STPG4: variants seen among roughly 807,000 people sequenced by gnomAD.
The protein encoded by STPG4 is sperm-tail PG-rich repeat containing 4.
Under a neutral mutation model 31.5 loss-of-function variants are expected in STPG4, and 41 were observed. The ratio of observed to expected loss-of-function variants is 1.30; its 90% confidence interval spans 1.01 to 1.69. The LOEUF (loss-of-function observed/expected upper bound fraction) is 1.69, where lower values mean the gene tolerates loss of function less well. STPG4 is among the 40% of genes most tolerant of loss of function. The pLI, the probability that STPG4 is intolerant of heterozygous loss-of-function variation, is 0.00. For synonymous variants in STPG4, 141 were observed against 103.0 expected (o/e 1.37, Z -2.24); for missense variants, 375 against 293.4 (o/e 1.28, Z -2.03).
At chr2:47,091,585 T>C (rs1168278865) in intron 5 of STPG4, among the ~76,000 whole-genome samples, 2 of 152,328 alleles carry the variant, frequency 1.3e-5, no homozygotes, top group African/African-American at 2.4e-5. Flanking sequence ...TCTAGCATGA[T>C]GTCTTAGATC....
At chr2:47,094,433 ATCATTC>A (rs1166459538) in intron 5 of STPG4, among the ~76,000 whole-genome samples, 7 of 152,214 alleles carry the variant, frequency 4.6e-5, no homozygotes, top group Non-Finnish European at 8.8e-5. Context: ...TGATGAGAAT[ATCATTC>A]TCTTCCCTTT....
intron 5 of STPG4, among the ~76,000 whole-genome samples, chr2:47,125,728 T>TC (rs1356093534): frequency 6.6e-6 from 1 of 151,700 alleles, no homozygotes; most frequent in Non-Finnish European, 1.5e-5. Context: ...GATTTAATTT[T>TC]TTTTTTTTTA....
At chr2:47,138,838 G>GCACCTGGC (rs1305048349) in intron 3 of STPG4, among the ~76,000 whole-genome samples, 2 of 151,998 alleles carry the variant, frequency 1.3e-5, no homozygotes, top group Non-Finnish European at 2.9e-5. Context: ...ATGAGCCACT[G>GCACCTGGC]CACCTGGCCA....
intron 5 of STPG4, among the ~76,000 whole-genome samples, chr2:47,100,268 A>G (rs940794276): frequency 3.3e-5 from 5 of 151,188 alleles, no homozygotes; most frequent in Non-Finnish European, 7.4e-5. Flanking sequence ...AGCACTCTGT[A>G]TCTAGCTCAA....
intron 3 of STPG4, among the ~76,000 whole-genome samples, chr2:47,150,216 C>T (rs1686907992): frequency 6.6e-6 from 1 of 152,192 alleles, no homozygotes; most frequent in Non-Finnish European, 1.5e-5. Flanking sequence ...AGTGAAGGTC[C>T]AGTTAAGTTC....
Position 47,146,244 on chromosome 2 carries a change from G to A in STPG4, c.399+5014C>T, listed in dbSNP as rs191260188. 9.3e-4 allele frequency among the ~76,000 whole-genome samples: 142 copies of A among 152,238 alleles called. 2 individuals carry two copies. In the South Asian group the frequency reaches 0.02, roughly 21 times the overall value. On this transcript the variant is annotated intron_variant, in intron 3 of 6. Coordinates refer to ENST00000445927, the MANE Select transcript of STPG4 (RefSeq NM_001163561.2). ...GGTTCTGAACCAGGAGCACGGCAAC[G>A]TCTGGAGACATTTTTGGTTGTTACA... is the stretch of plus-strand genomic sequence containing the variant.
intron 5 of STPG4, among the ~76,000 whole-genome samples, chr2:47,127,159 G>A (rs1249658494): frequency 2.7e-5 from 4 of 148,018 alleles, no homozygotes; most frequent in Non-Finnish European, 6.0e-5. Context: ...TTGCCGTTTT[G>A]AGGCTATTTT....
At chr2:47,140,879 C>A (rs1200781900) in intron 3 of STPG4, among the ~76,000 whole-genome samples, 1 of 148,112 alleles carries the variant, frequency 6.8e-6, no homozygotes, top group Admixed American at 6.9e-5. Context: ...CTGGCAGGTA[C>A]CATATTTCCA....
At position 47,151,276 on chromosome 2, in the gene STPG4, T is replaced by G; in HGVS notation, c.381A>C (p.Thr127=). The stretch of plus-strand genomic sequence containing the variant: ...GCTTTACCTGATCTTTGTCAACTAG[T>G]GTGCTGGGGCTTGGCCGTGGTTTGT... ...FKDKPRPSPS[T]LVDKDQSLQL... Residue 127 remains threonine, a synonymous_variant, in exon 3 of 7, where the codon ACA becomes ACC. Transcript: ENST00000445927. The G allele has an allele frequency of 6.2e-7, 1 of 1,614,192 alleles. No individual in the cohort carries two copies. Among genetic ancestry groups the G allele is most frequent in the South Asian group, 1.1e-5 (1 of 91,084 alleles).
At chr2:47,100,289 C>T (rs6756634) in intron 5 of STPG4, among the ~76,000 whole-genome samples, 85,494 of 145,642 alleles carry the variant, frequency 0.59, 25,663 homozygotes, top group East Asian at 0.77. Flanking sequence ...GGTTTGTAAA[C>T]ACACCAATCA....
At chr2:47,137,875 T>C (rs992991582) in intron 3 of STPG4, among the ~76,000 whole-genome samples, 1 of 152,200 alleles carries the variant, frequency 6.6e-6, no homozygotes, top group African/African-American at 2.4e-5. Context: ...TTTTTCTTAG[T>C]TAGCCTAGAT....
intron 5 of STPG4, chr2:47,108,817 G>C (rs931214498): frequency 1.3e-5 from 2 of 152,290 alleles, no homozygotes; most frequent in African/African-American, 4.8e-5. Flanking sequence ...TACAGTGATT[G>C]GCCCAGGGGC....
rs1475612482 is a variant in STPG4 at position 47,155,201 on chromosome 2, C to A, written c.51G>T (p.Leu17=). The A allele has an allele frequency of 6.2e-7, 1 of 1,614,164 alleles. No homozygotes were observed. The highest frequency in any genetic ancestry group is 8.5e-7 in the Non-Finnish European group (1 of 1,180,028). The part of the protein sequence containing the change: ...ATASTSIRED[L]VGGESFITAS... ...CTGTGATGAATGATTCTCCACCCAC[C>A]AGGTCTTCCCTTATTGAGGTGGAAG... is the stretch of plus-strand genomic sequence containing the variant. Residue 17 remains leucine (L), a synonymous_variant, in exon 1 of 7, where the codon CTG becomes CTT. Coordinates refer to ENST00000445927, the MANE Select transcript of STPG4 (RefSeq NM_001163561.2).
At chr2:47,154,443 C>T (rs749647803) in intron 1 of STPG4, among the ~76,000 whole-genome samples, 3 of 152,222 alleles carry the variant, frequency 2.0e-5, no homozygotes, top group Non-Finnish European at 2.9e-5. Context: ...TAATGGAAGA[C>T]AATTGGCAGC....
chr2:47,127,096 A>C (rs1050161932), intron 5 of STPG4, among the ~76,000 whole-genome samples: 5 of 151,966 alleles, frequency 3.3e-5, no homozygotes, highest in Non-Finnish European at 5.9e-5. Context: ...CTTTGAATAA[A>C]CTTTCTACTT....
intron 5 of STPG4, among the ~76,000 whole-genome samples, chr2:47,123,803 A>G (rs888556112): frequency 1.4e-4 from 21 of 152,270 alleles, no homozygotes; most frequent in African/African-American, 4.8e-4. Flanking sequence ...TTTTATTTTG[A>G]AAAATGTTTA....
chr2:47,121,516 A>G (rs35782848), intron 5 of STPG4, among the ~76,000 whole-genome samples: 3,391 of 152,312 alleles, frequency 0.022, 43 homozygotes, highest in African/African-American at 0.034. Flanking sequence ...TGGGCTATCA[A>G]AGGAAAAGCC....
At chr2:47,115,315 C>G (rs1236830093) in intron 5 of STPG4, among the ~76,000 whole-genome samples, 5 of 152,152 alleles carry the variant, frequency 3.3e-5, no homozygotes, top group Non-Finnish European at 7.4e-5. Flanking sequence ...CTACTCCTCT[C>G]CCAGATTGTA....
chr2:47,111,904 G>C (rs1357270214), intron 5 of STPG4, among the ~76,000 whole-genome samples: 1 of 152,152 alleles, frequency 6.6e-6, no homozygotes, highest in Non-Finnish European at 1.5e-5. Flanking sequence ...CTTACCAGTT[G>C]TTTCTCCACC....
Sources: allele counts gnomAD v4.1 joint callset (sites outside exome capture counted in the v4.1 genomes callset), GRCh38; gene constraint gnomAD v4.1.1; transcripts MANE v1.5; gene names NCBI Gene and HGNC (gene_info 2026-07-23, HGNC 2026-07-21).